The following GPHN variants were observed in gnomAD, a reference collection of about 807,000 sequenced individuals.
GPHN encodes the protein gephyrin.
In GPHN, 17 loss-of-function variants were observed where a neutral mutation model predicts 95.5. That is an observed-to-expected ratio of 0.18 (90% CI 0.12 to 0.27). The LOEUF is 0.27. Ranked by LOEUF, GPHN falls within the 10% of genes least tolerant of loss-of-function variation. The probability of loss-of-function intolerance (pLI) is 1.00; values close to 1 mark genes in which losing one functional copy is unlikely to be tolerated. For synonymous variants in GPHN, 320 were observed against 322.5 expected (o/e 0.99, Z 0.08); for missense variants, 660 against 978.1 (o/e 0.67, Z 4.34).
intron 3 of GPHN, among the ~76,000 whole-genome samples, chr14:66,800,859 G>T (rs2060323548): frequency 1.3e-5 from 2 of 151,976 alleles, no homozygotes; most frequent in African/African-American, 4.8e-5. Flanking sequence ...CTATTCTCTT[G>T]ATCGTGTAGG....
chr14:67,376,651 A>C, the GPHN span: 1 of 1,553,348 alleles, frequency 6.4e-7, no homozygotes, highest in Non-Finnish European at 8.8e-7. Flanking sequence ...CCTGATATTT[A>C]ACAGCATAGC....
chr14:66,821,611 A>C (rs2061192613), intron 3 of GPHN, among the ~76,000 whole-genome samples: 1 of 152,236 alleles, frequency 6.6e-6, no homozygotes, highest in Admixed American at 6.5e-5. Flanking sequence ...TTAATGAATC[A>C]GATGCATGAC....
chr14:66,811,124 A>G (rs1270205851), intron 3 of GPHN, among the ~76,000 whole-genome samples: 1 of 152,184 alleles, frequency 6.6e-6, no homozygotes, highest in African/African-American at 2.4e-5. Context: ...GAAACAATAA[A>G]CCCTGGGGAT....
At chr14:67,341,231 G>A in the GPHN span, among the ~76,000 whole-genome samples, 4 of 152,034 alleles carry the variant, frequency 2.6e-5, no homozygotes, top group African/African-American at 9.7e-5. Flanking sequence ...GAAGTGAGGA[G>A]CGTCTCTGCC....
At chr14:66,647,649 G>A (rs920442275) in intron 1 of GPHN, among the ~76,000 whole-genome samples, 1 of 151,602 alleles carries the variant, frequency 6.6e-6, no homozygotes, top group Non-Finnish European at 1.5e-5. Context: ...TAATAAAATA[G>A]AATAATTATA....
At chr14:66,698,981 C>A (rs185858055) in intron 2 of GPHN, among the ~76,000 whole-genome samples, 3 of 152,160 alleles carry the variant, frequency 2.0e-5, no homozygotes, top group Non-Finnish European at 2.9e-5. Context: ...AGTTTATTGA[C>A]CCGTGGTGTA....
chr14:66,738,593 T>A (rs1410824798), intron 2 of GPHN, among the ~76,000 whole-genome samples: 1 of 152,192 alleles, frequency 6.6e-6, no homozygotes, highest in Non-Finnish European at 1.5e-5. Flanking sequence ...AACATTATGT[T>A]ACTGTCATTT....
chr14:66,545,033 C>T (rs998793644), intron 1 of GPHN, among the ~76,000 whole-genome samples: 3 of 152,266 alleles, frequency 2.0e-5, no homozygotes, highest in Admixed American at 6.5e-5. Context: ...ACTCTTTTCC[C>T]CACTTTCTAC....
the GPHN span, among the ~76,000 whole-genome samples, chr14:67,459,847 C>A: frequency 6.6e-6 from 1 of 152,222 alleles, no homozygotes; most frequent in East Asian, 1.9e-4. Context: ...CAGGTGATTT[C>A]AAATCAATGT....
intron 2 of GPHN, among the ~76,000 whole-genome samples, 186 bp from the exon 3 acceptor site, chr14:66,776,274 GTCAT>G (rs1174109472): frequency 6.6e-6 from 1 of 151,934 alleles, no homozygotes; most frequent in Non-Finnish European, 1.5e-5. Flanking sequence ...TCTGTCAATA[GTCAT>G]TCATTATCTA....
the GPHN span, chr14:67,570,664 A>G: frequency 1.3e-5 from 2 of 152,170 alleles, no homozygotes; most frequent in South Asian, 2.1e-4. Flanking sequence ...ATGTCATTCT[A>G]TGCCTTGCTT....
At chr14:67,552,356 G>A in the GPHN span, among the ~76,000 whole-genome samples, 2 of 152,196 alleles carry the variant, frequency 1.3e-5, no homozygotes, top group Non-Finnish European at 2.9e-5. Context: ...ATCTGCCCTC[G>A]TGAAAAGTGT....
chr14:66,651,356 T>G (rs1213068806), intron 1 of GPHN, among the ~76,000 whole-genome samples: 1 of 151,934 alleles, frequency 6.6e-6, no homozygotes, highest in Admixed American at 6.6e-5. Flanking sequence ...ATTATGGGGG[T>G]GATGAAGGAA....
rs1163379391 is a variant in GPHN, at chr14:66,829,887, C to CT, written c.294+5329dup. On this transcript the variant is annotated intron_variant, in intron 4 of 22. Transcript: ENST00000478722. ...CCACAAGCCAAATCCAGCCTGTCACCTTTTTTTTGCATGTCCAGGGAGCTA... is the reference window on the plus strand; with the variant it reads ...CCACAAGCCAAATCCAGCCTGTCACCTTTTTTTTTGCATGTCCAGGGAGCTA... 4.0e-5 allele frequency among the ~76,000 whole-genome samples: 6 copies of CT among 151,742 alleles called. No homozygotes were observed. The East Asian group carries it at 9.7e-4, about 24-fold the overall frequency.
At chr14:67,439,586 T>TTTC in the GPHN span, among the ~76,000 whole-genome samples, 1,754 of 139,180 alleles carry the variant, frequency 0.013, 19 homozygotes, top group African/African-American at 0.024. Flanking sequence ...TCTTTCTTTC[T>TTTC]TTCTTTCTTC....
At chr14:66,807,002 C>T (rs1317355580) in intron 3 of GPHN, among the ~76,000 whole-genome samples, 3 of 152,032 alleles carry the variant, frequency 2.0e-5, no homozygotes, top group African/African-American at 7.3e-5. Context: ...AAAGACATAC[C>T]CGAGACTCGG....
chr14:67,562,112 G>T, the GPHN span: 1 of 1,611,546 alleles, frequency 6.2e-7, no homozygotes. Context: ...AGCTCTCAAT[G>T]TGACTGTTTT....
intron 9 of GPHN, among the ~76,000 whole-genome samples, chr14:67,015,259 G>A (rs191332945): frequency 1.7e-3 from 263 of 152,190 alleles, no homozygotes; most frequent in Non-Finnish European, 2.5e-3. Flanking sequence ...CTAGAACTTA[G>A]GAAAGCTCGG....
Position 66,916,169 on chromosome 14 carries a change from C to T in GPHN, c.456+100C>T, listed in dbSNP as rs1596359837. 4 of 751,686 alleles carry T rather than the reference C, an allele frequency of 5.3e-6. No homozygotes were observed. The East Asian group carries it at 7.7e-5, about 15-fold the overall frequency. The allele number at this position is 751,686 out of a possible 1,614,324, so 46.6% of individuals were successfully genotyped here. A position where few individuals can be genotyped will look rare whatever the true frequency, so the allele number is the denominator to read the frequency against. ...TTGGAGCACTCCACAAGACTGCCCTCACATCTGATACCAATTGCAGGATTC... is the reference window on the plus strand; with the variant it reads ...TTGGAGCACTCCACAAGACTGCCCTTACATCTGATACCAATTGCAGGATTC... On this transcript the variant is annotated intron_variant, in intron 6 of 22. Coordinates refer to ENST00000478722, the MANE Select transcript of GPHN (RefSeq NM_020806.5).
Sources: gnomAD v4.1 joint callset for allele counts (sites outside exome capture counted in the v4.1 genomes callset) on GRCh38, gnomAD v4.1.1 for gene constraint, MANE v1.5 for transcripts, NCBI Gene and HGNC (gene_info 2026-07-23, HGNC 2026-07-21) for gene names.